The following ITGBL1 variants were observed in gnomAD, a reference collection of about 807,000 sequenced individuals.
The protein encoded by ITGBL1 is integrin beta-like protein 1.
Under a neutral mutation model 68.5 loss-of-function variants are expected in ITGBL1, and 51 were observed. The observed-to-expected ratio is 0.74, with a 90% CI of 0.59 to 0.94. The LOEUF (loss-of-function observed/expected upper bound fraction) is 0.94, where lower values mean the gene tolerates loss of function less well. Ranked by LOEUF, ITGBL1 falls within the 40% of genes least tolerant of loss-of-function variation. The pLI is 0.00. For missense variants in ITGBL1, 649 were observed against 647.4 expected (o/e 1.00, Z -0.03); for synonymous variants, 209 against 227.3 (o/e 0.92, Z 0.72).
chr13:101,510,115 G>A (rs1316840353), intron 2 of ITGBL1, among the ~76,000 whole-genome samples: 77 of 152,092 alleles, frequency 5.1e-4, no homozygotes, highest in Non-Finnish European at 1.2e-4. Context: ...CCCAGGTTGT[G>A]AACCTAGTAC....
chr13:101,674,208 G>A (rs1047247355), intron 7 of ITGBL1, among the ~76,000 whole-genome samples: 4 of 152,124 alleles, frequency 2.6e-5, no homozygotes, highest in East Asian at 1.9e-4. Flanking sequence ...GCATGCACAC[G>A]CTTCTGTGAG....
intron 7 of ITGBL1, among the ~76,000 whole-genome samples, chr13:101,648,867 T>A (rs1371752753): frequency 6.6e-6 from 1 of 152,022 alleles, no homozygotes; most frequent in Non-Finnish European, 1.5e-5. Flanking sequence ...GTTAGTAATA[T>A]TATTTTCTTT....
At chr13:101,639,340 A>C (rs890596429) in intron 7 of ITGBL1, among the ~76,000 whole-genome samples, 3 of 152,196 alleles carry the variant, frequency 2.0e-5, no homozygotes, top group African/African-American at 7.2e-5. Flanking sequence ...AATTGCTTGA[A>C]TAATCAATTT....
In ITGBL1 at chr13:101,519,149, T is replaced by A. The variant is rs59667952; in HGVS notation, c.317-48550T>A. 1.3e-3 allele frequency among the ~76,000 whole-genome samples: 200 copies of A among 152,166 alleles called. 1 individual carries two copies. The highest frequency in any genetic ancestry group is 4.6e-3 in the African/African-American group (191 of 41,514). On this transcript the variant is annotated intron_variant, in intron 2 of 10. Transcript: ENST00000376180. Reference sequence around the variant, plus strand: ...GAATATCAAGGGGAGCCTGGAAATATTTTGAAAATAAACCTTTTTGGGGGT... The same window carrying A: ...GAATATCAAGGGGAGCCTGGAAATAATTTGAAAATAAACCTTTTTGGGGGT...
chr13:101,454,922 CT>C (rs1254302939), intron 2 of ITGBL1, among the ~76,000 whole-genome samples: 1 of 152,126 alleles, frequency 6.6e-6, no homozygotes, highest in Non-Finnish European at 1.5e-5. Flanking sequence ...ATTCATTTCC[CT>C]TGCACATTTT....
chr13:101,465,177 G>C (rs1044103315), intron 2 of ITGBL1, among the ~76,000 whole-genome samples: 3 of 152,148 alleles, frequency 2.0e-5, no homozygotes, highest in Non-Finnish European at 4.4e-5. Context: ...ATAGAAAAGA[G>C]AAAACAGCTT....
chr13:101,553,450 G>A (rs762251930), intron 2 of ITGBL1, among the ~76,000 whole-genome samples: 8 of 152,038 alleles, frequency 5.3e-5, no homozygotes, highest in Admixed American at 4.6e-4. Flanking sequence ...ACTCAGAAAC[G>A]CAAAATGATA....
chr13:101,583,349 C>A lies in ITGBL1; in HGVS notation c.861C>A (p.Phe287Leu). Reference protein sequence around the residue: ...RAVYDRYSDDFCSGHGQCNCG... With the variant: ...RAVYDRYSDDLCSGHGQCNCG... Reference sequence around the variant, plus strand: ...TCTATGACCGATATTCTGATGACTTCTGTTCAGGTAAGGGCTCTTCCAATT... The same window carrying A: ...TCTATGACCGATATTCTGATGACTTATGTTCAGGTAAGGGCTCTTCCAATT... The change falls in exon 6 of 11, where the codon TTC (phenylalanine) becomes TTA (leucine). Residue 287 changes from phenylalanine (F) to leucine (L), a missense_variant. Transcript: ENST00000376180. 1 of 1,572,624 alleles carries A rather than the reference C, an allele frequency of 6.4e-7. No homozygotes were observed. Among genetic ancestry groups the A allele is most frequent in the Non-Finnish European group, 8.6e-7 (1 of 1,160,338 alleles).
At chr13:101,481,000 ATATGTGTGTGTGTGTGTGTGTG>A (rs922868579) in intron 2 of ITGBL1, among the ~76,000 whole-genome samples, 63 of 128,124 alleles carry the variant, frequency 4.9e-4, no homozygotes, top group African/African-American at 1.7e-3. Context: ...ATGCCAAAAG[ATATGTGTGTGTGTGTGTGTGTG>A]TGTGTGTGTG....
chr13:101,558,268 T>A (rs2050042403), intron 2 of ITGBL1, among the ~76,000 whole-genome samples: 1 of 151,686 alleles, frequency 6.6e-6, no homozygotes, highest in Non-Finnish European at 1.5e-5. Context: ...AAACAATGAG[T>A]ACACAGGGAC....
At position 101,590,313 on chromosome 13, in the gene ITGBL1, G is replaced by A. The variant is rs141396845; in HGVS notation, c.868+6957G>A. ...ATGGTTGCTTTTAAACATGGATTCC[G>A]ACTATGCAACTTAAGAACGTTCTCC... On this transcript the variant is annotated intron_variant, in intron 6 of 10. Transcript: ENST00000376180. Among the ~76,000 whole-genome samples the A allele has an allele frequency of 1.5e-4, 23 of 152,222 alleles. No homozygotes were observed. The East Asian group carries it at 3.9e-3, about 26-fold the overall frequency.
rs527330342 is a variant in ITGBL1, at chr13:101,574,153, A to G, written c.464-1271A>G. On this transcript the variant is annotated intron_variant, in intron 3 of 10. Transcript: ENST00000376180. Reference sequence around the variant, plus strand: ...GACTCCCTTGCTTCTATGTCTTCCAATTATTTTTGGATTAAAGCTGGAAAT... The same window carrying G: ...GACTCCCTTGCTTCTATGTCTTCCAGTTATTTTTGGATTAAAGCTGGAAAT... 6.0e-4 allele frequency among the ~76,000 whole-genome samples: 92 copies of G among 152,206 alleles called. No individual in the cohort carries two copies. In the Middle Eastern group the frequency reaches 0.027, roughly 45 times the overall value.
chr13:101,671,358 C>T (rs2033354414), intron 7 of ITGBL1, among the ~76,000 whole-genome samples: 1 of 150,600 alleles, frequency 6.6e-6, no homozygotes, highest in Non-Finnish European at 1.5e-5. Context: ...GTTTCAGTTG[C>T]AGATTTAAGG....
chr13:101,684,742 C>T (rs1002008804), intron 7 of ITGBL1, among the ~76,000 whole-genome samples: 4 of 151,850 alleles, frequency 2.6e-5, no homozygotes, highest in Non-Finnish European at 5.9e-5. Context: ...TTGGATAGAA[C>T]TAAAAGATAA....
chr13:101,647,109 A>G (rs2032584239), intron 7 of ITGBL1, among the ~76,000 whole-genome samples: 1 of 152,158 alleles, frequency 6.6e-6, no homozygotes, highest in South Asian at 2.1e-4. Context: ...TAAATATCTT[A>G]GTTAGCATGA....
At chr13:101,551,867 AAC>A (rs2049925934) in intron 2 of ITGBL1, among the ~76,000 whole-genome samples, 1 of 152,148 alleles carries the variant, frequency 6.6e-6, no homozygotes, top group Non-Finnish European at 1.5e-5. Flanking sequence ...GTAAATGTAA[AAC>A]TAAGTGAAGA....
chr13:101,552,651 G>A (rs1364924887), intron 2 of ITGBL1, among the ~76,000 whole-genome samples: 1 of 152,130 alleles, frequency 6.6e-6, no homozygotes, highest in Non-Finnish European at 1.5e-5. Flanking sequence ...AGGTTCCCTA[G>A]GGAGTTAGAG....
intron 7 of ITGBL1, among the ~76,000 whole-genome samples, chr13:101,629,958 G>A (rs753888114): frequency 6.6e-6 from 1 of 152,092 alleles, no homozygotes; most frequent in African/African-American, 2.4e-5. Context: ...GAGTAGCTGG[G>A]ATTACAGGTG....
At chr13:101,463,784 AACTC>A (rs1227221115) in intron 2 of ITGBL1, among the ~76,000 whole-genome samples, 1 of 152,170 alleles carries the variant, frequency 6.6e-6, no homozygotes, top group Non-Finnish European at 1.5e-5. Context: ...AAATCAAAAT[AACTC>A]ACATATTTTT....
Sources: allele counts gnomAD v4.1 joint callset (sites outside exome capture counted in the v4.1 genomes callset), GRCh38; gene constraint gnomAD v4.1.1; transcripts MANE v1.5; gene names NCBI Gene and HGNC (gene_info 2026-07-23, HGNC 2026-07-21).